Variants in SLC9A3 observed in about 807,000 individuals in gnomAD.
SLC9A3 encodes the protein sodium/hydrogen exchanger 3.
In SLC9A3, 37 loss-of-function variants were observed where a neutral mutation model predicts 86.8. The observed-to-expected ratio is 0.43, with a 90% CI of 0.33 to 0.56. The LOEUF is 0.56. SLC9A3 is among the 20% of genes least tolerant of loss of function. The pLI is 0.06. For missense variants in SLC9A3, 1,011 were observed against 1,171.9 expected (o/e 0.86, Z 2.00); for synonymous variants, 581 against 528.3 (o/e 1.10, Z -1.37).
Position 472,431 on chromosome 5 carries a change from G to A in SLC9A3, c.*948C>T, listed in dbSNP as rs1057513921. The A allele has an allele frequency of 2.7e-5, 9 of 335,132 alleles. No homozygotes were observed. The highest frequency in any genetic ancestry group is 1.3e-4 in the South Asian group (6 of 46,616). 20.8% of individuals were successfully genotyped at this position (335,132 alleles called of 1,614,324 possible). On this transcript the variant is annotated 3_prime_UTR_variant, in exon 17 of 17. Coordinates refer to ENST00000264938, the MANE Select transcript of SLC9A3 (RefSeq NM_004174.4). ...CCCACCATCCACTTAAGGACTGGCC[G>A]TGATTCTTGGCAAGCTCCGCCCGCC... is the stretch of plus-strand genomic sequence containing the variant.
At chr5:506,867 A>G (rs1346761798) in intron 1 of SLC9A3, among the ~76,000 whole-genome samples, 1 of 147,986 alleles carries the variant, frequency 6.8e-6, no homozygotes, top group Non-Finnish European at 1.5e-5. Flanking sequence ...TGAGATCGAG[A>G]CCAGCCTGGC....
rs574874491 is a variant in SLC9A3 at position 473,268 on chromosome 5, G to C, written c.*111C>G. Reference sequence around the variant, plus strand: ...GGGCGAGGCGGGGCTCGGGGCTCGCGGTCGCTGTAGCCGCGCGGGGATCTG... The same window carrying C: ...GGGCGAGGCGGGGCTCGGGGCTCGCCGTCGCTGTAGCCGCGCGGGGATCTG... On this transcript the variant is annotated 3_prime_UTR_variant, in exon 17 of 17. Coordinates refer to ENST00000264938, the MANE Select transcript of SLC9A3 (RefSeq NM_004174.4). The C allele has an allele frequency of 4.3e-6, 5 of 1,171,264 alleles. No individual in the cohort carries two copies. The highest frequency in any genetic ancestry group is 5.4e-6 in the Non-Finnish European group (5 of 919,092). 72.6% of individuals were successfully genotyped at this position (1,171,264 alleles called of 1,614,324 possible). A position where few individuals can be genotyped will look rare whatever the true frequency, so the allele number is the denominator to read the frequency against.
At chr5:517,746 CCCAT>C (rs201429949) in intron 1 of SLC9A3, among the ~76,000 whole-genome samples, 8 of 149,716 alleles carry the variant, frequency 5.3e-5, no homozygotes, top group African/African-American at 7.4e-5. Context: ...CATCCATTCA[CCCAT>C]CCATCCATCC....
chr5:473,419 C>T (rs1047628090), intron 16 of SLC9A3, 37 bp from the exon 17 acceptor site: 3 of 1,373,224 alleles, frequency 2.2e-6, no homozygotes, highest in Non-Finnish European at 1.9e-6. Context: ...GCGCGGAGCC[C>T]GGGCGCTGGG....
At chr5:492,502 C>G (rs920973143) in intron 1 of SLC9A3, among the ~76,000 whole-genome samples, 2 of 151,836 alleles carry the variant, frequency 1.3e-5, no homozygotes, top group Admixed American at 1.3e-4. Flanking sequence ...GGGCTCAGAG[C>G]TGCAGGCATC....
intron 1 of SLC9A3, among the ~76,000 whole-genome samples, chr5:521,097 T>C (rs1485096274): frequency 6.6e-6 from 1 of 152,186 alleles, no homozygotes; most frequent in Non-Finnish European, 1.5e-5. Context: ...GTCCTCTCAG[T>C]CTGGGAGGTC....
chr5:482,615 T>C lies in SLC9A3; in HGVS notation c.1289A>G (p.Lys430Arg). Residue 430 changes from lysine (K) to arginine (R), a missense_variant, in exon 7 of 17, where the codon AAG becomes AGG. Around this residue, in one of 3 missense-constraint regions of SLC9A3, gnomAD observed 565 missense variants for 790.0 expected, o/e 0.72. Transcript: ENST00000264938. ...FALVVLLDGD[K>R]VKEKNLFVST... ...GACGAACAGGTTCTTCTCCTTGACC[T>C]TGTCTCCATCCAGAAGCACCACCAG... 1 of 1,612,782 alleles carries C rather than the reference T, an allele frequency of 6.2e-7. No individual in the cohort carries two copies. The highest frequency in any genetic ancestry group is 8.5e-7 in the Non-Finnish European group (1 of 1,179,898).
intron 1 of SLC9A3, among the ~76,000 whole-genome samples, chr5:508,938 G>A (rs896810989): frequency 4.6e-5 from 7 of 151,704 alleles, no homozygotes; most frequent in Non-Finnish European, 8.8e-5. Context: ...GTGAGACCCC[G>A]TCTCTACAAA....
At chr5:480,865 CAT>C (rs773385833) in intron 9 of SLC9A3, 18 of 152,420 alleles carry the variant, frequency 1.2e-4, no homozygotes, top group African/African-American at 3.8e-4. Context: ...TATAATAAAA[CAT>C]AGGTGATTTC....
At chr5:483,119 G>C (rs902766569) in intron 6 of SLC9A3, 143 bp downstream of exon 6, 1 of 668,674 alleles carries the variant, frequency 1.5e-6, no homozygotes, top group African/African-American at 1.8e-5. Context: ...CCCCAGCCCC[G>C]AGGCCGCCAC....
chr5:479,704 C>T, intron 10 of SLC9A3, 132 bp downstream of exon 10: 1 of 856,756 alleles, frequency 1.2e-6, no homozygotes. Flanking sequence ...CCATCAGCCT[C>T]CCGTGAACTG....
At chr5:484,802 G>T (rs950815754) in intron 4 of SLC9A3, 105 bp from the exon 5 acceptor site, 2 of 1,078,760 alleles carry the variant, frequency 1.9e-6, no homozygotes, top group Non-Finnish European at 2.7e-6. Flanking sequence ...GGAAACGGGG[G>T]TGGATCCCTC....
At chr5:518,799 C>T (rs1264203176) in intron 1 of SLC9A3, among the ~76,000 whole-genome samples, 1 of 152,170 alleles carries the variant, frequency 6.6e-6, no homozygotes, top group Non-Finnish European at 1.5e-5. Context: ...GAGCGCCACA[C>T]ACGCCCAGAG....
At chr5:509,739 G>T (rs77109154) in intron 1 of SLC9A3, among the ~76,000 whole-genome samples, 1,939 of 152,304 alleles carry the variant, frequency 0.013, 39 homozygotes, top group African/African-American at 0.044. Context: ...AGTGAGAGGA[G>T]AATGGGGTGC....
chr5:476,725 T>C, intron 11 of SLC9A3, 53 bp from the exon 12 acceptor site: 1 of 1,586,792 alleles, frequency 6.3e-7, no homozygotes. Context: ...TGGGGTCTCT[T>C]GCGCGCCCCT....
intron 10 of SLC9A3, chr5:479,568 A>T (rs1172431437): frequency 6.8e-6 from 3 of 438,924 alleles, no homozygotes; most frequent in Non-Finnish European, 1.3e-5. Context: ...CCCTGGGGAA[A>T]GCAAGGGAGC....
chr5:512,279 AGAACGAGCCC>A, intron 1 of SLC9A3, among the ~76,000 whole-genome samples: 4 of 148,006 alleles, frequency 2.7e-5, no homozygotes, highest in African/African-American at 1.0e-4. Context: ...TAATGTACCA[AGAACGAGCCC>A]TAACGTAAAC....
intron 2 of SLC9A3, among the ~76,000 whole-genome samples, chr5:489,075 A>G (rs376452903): frequency 4.4e-4 from 67 of 152,282 alleles, no homozygotes; most frequent in Middle Eastern, 3.4e-3. Context: ...TTTTACTGAA[A>G]TGCAGCCTTA....
In SLC9A3 at chr5:480,018, C is replaced by T. The variant is rs199904762; in HGVS notation, c.1518-53G>A. 1.4e-3 allele frequency: 2,155 copies of T among 1,583,662 alleles called. 4 individuals are homozygous for T. Among genetic ancestry groups the T allele is most frequent in the Non-Finnish European group, 1.7e-3 (1,975 of 1,159,692 alleles). On this transcript the variant is annotated intron_variant, in intron 9 of 16. Transcript: ENST00000264938. ...CTCAGGTGACAGGCGCCCTAGAGCC[C>T]GCCGGACGCGTGGCCCGGCCCCTTC...
Sources: allele counts gnomAD v4.1 joint callset (sites outside exome capture counted in the v4.1 genomes callset), GRCh38; gene constraint gnomAD v4.1.1; regional missense constraint gnomAD v4.1.1; transcripts MANE v1.5; gene names NCBI Gene and HGNC (gene_info 2026-07-23, HGNC 2026-07-21).